The following RABGAP1L variants were observed in gnomAD, a reference collection of about 807,000 sequenced individuals.
The protein encoded by RABGAP1L is RAB GTPase activating protein 1 like.
In RABGAP1L, 63 loss-of-function variants were observed where a neutral mutation model predicts 137.7. The ratio of observed to expected loss-of-function variants is 0.46; its 90% CI spans 0.37 to 0.56. The LOEUF is 0.56. RABGAP1L is among the 20% of genes least tolerant of loss of function. RABGAP1L has a pLI of 0.00. For missense variants in RABGAP1L, 1,095 were observed against 1,244.0 expected (o/e 0.88, Z 1.80); for synonymous variants, 431 against 433.7 (o/e 0.99, Z 0.08).
At chr1:174,468,281 TGTAA>T (rs1192523703) in intron 13 of RABGAP1L, among the ~76,000 whole-genome samples, 2 of 152,158 alleles carry the variant, frequency 1.3e-5, no homozygotes, top group Non-Finnish European at 2.9e-5. Flanking sequence ...TTCTTCCACA[TGTAA>T]GTGATGCCCT....
At chr1:174,673,354 A>C (rs1677329205) in intron 14 of RABGAP1L, among the ~76,000 whole-genome samples, 1 of 152,166 alleles carries the variant, frequency 6.6e-6, no homozygotes, top group Admixed American at 6.5e-5. Flanking sequence ...AAAAAGTTAA[A>C]GGAGAACAAT....
At chr1:174,777,863 AT>A (rs1245244070) in intron 18 of RABGAP1L, among the ~76,000 whole-genome samples, 2 of 152,172 alleles carry the variant, frequency 1.3e-5, no homozygotes, top group Non-Finnish European at 1.5e-5. Flanking sequence ...GAAAAAGCAA[AT>A]TTAAAAAAAG....
chr1:174,186,683 G>T (rs1276075456), intron 1 of RABGAP1L, among the ~76,000 whole-genome samples: 1 of 152,172 alleles, frequency 6.6e-6, no homozygotes, highest in Non-Finnish European at 1.5e-5. Context: ...ACATGTAAAG[G>T]AAAGGGAGAG....
chr1:174,737,628 A>C (rs1432856984), intron 17 of RABGAP1L, among the ~76,000 whole-genome samples: 2 of 145,924 alleles, frequency 1.4e-5, no homozygotes, highest in Non-Finnish European at 3.1e-5. Context: ...GCAACCCCTC[A>C]CTCCTTGGTA....
Position 174,435,702 on chromosome 1 carries a change from C to T in RABGAP1L, c.1710+41557C>T, listed in dbSNP as rs191885690. Among the ~76,000 whole-genome samples the T allele has an allele frequency of 2.2e-4, 33 of 151,864 alleles. No individual in the cohort carries two copies. In the East Asian group the frequency reaches 2.3e-3, roughly 11 times the overall value. Reference sequence around the variant, plus strand: ...TAAGTTTTAGGGTACATGTACACAACGTGCAGGTTTGTTACATATGTATAC... The same window carrying T: ...TAAGTTTTAGGGTACATGTACACAATGTGCAGGTTTGTTACATATGTATAC... On this transcript the variant is annotated intron_variant, in intron 13 of 25. Transcript: ENST00000681986.
chr1:174,616,255 T>A (rs1671848363), intron 13 of RABGAP1L, among the ~76,000 whole-genome samples: 1 of 152,118 alleles, frequency 6.6e-6, no homozygotes, highest in Admixed American at 6.5e-5. Context: ...CTGTGAAATT[T>A]TGGTTTGGAA....
At chr1:174,302,378 G>T (rs1677796106) in intron 10 of RABGAP1L, among the ~76,000 whole-genome samples, 1 of 152,082 alleles carries the variant, frequency 6.6e-6, no homozygotes, top group African/African-American at 2.4e-5. Context: ...TTTTGTGTCT[G>T]GCTTGGGACA....
At chr1:174,400,176 A>C (rs2149099107) in intron 13 of RABGAP1L, among the ~76,000 whole-genome samples, 1 of 152,236 alleles carries the variant, frequency 6.6e-6, no homozygotes, top group Non-Finnish European at 1.5e-5. Flanking sequence ...GATTAAATTT[A>C]TACTTTCTTT....
chr1:174,549,631 A>G (rs532234997), intron 13 of RABGAP1L, among the ~76,000 whole-genome samples: 15 of 152,302 alleles, frequency 9.8e-5, no homozygotes, highest in South Asian at 4.2e-4. Flanking sequence ...TGAAGAAGTA[A>G]AACTATTGAA....
chr1:174,826,318 T>C (rs566611295), intron 19 of RABGAP1L, among the ~76,000 whole-genome samples: 2 of 152,182 alleles, frequency 1.3e-5, no homozygotes, highest in Admixed American at 1.3e-4. Context: ...GCCTCTCGGG[T>C]TCAAGTGATT....
intron 10 of RABGAP1L, among the ~76,000 whole-genome samples, chr1:174,298,821 T>G (rs1358526633): frequency 1.3e-5 from 2 of 152,246 alleles, no homozygotes; most frequent in African/African-American, 4.8e-5. Flanking sequence ...TCCCATCATC[T>G]GGCAGGATTT....
chr1:174,385,535 G>T (rs1387681615), intron 12 of RABGAP1L, among the ~76,000 whole-genome samples: 1 of 152,200 alleles, frequency 6.6e-6, no homozygotes. Context: ...TGAAATGGGC[G>T]AGATTACTTA....
intron 13 of RABGAP1L, among the ~76,000 whole-genome samples, chr1:174,568,249 G>A (rs751315493): frequency 1.3e-5 from 2 of 152,114 alleles, no homozygotes; most frequent in African/African-American, 2.4e-5. Flanking sequence ...GATCACCAAA[G>A]GGATGGTGCT....
At chr1:174,358,582 A>G (rs1683850846) in intron 11 of RABGAP1L, among the ~76,000 whole-genome samples, 2 of 152,160 alleles carry the variant, frequency 1.3e-5, no homozygotes, top group Admixed American at 1.3e-4. Context: ...AGAGTACGTG[A>G]CTGCTTCTTC....
At position 174,327,974 on chromosome 1, in the gene RABGAP1L, TATATAC is replaced by T. The variant is rs1477764096; in HGVS notation, c.1465+22849_1465+22854del. Among the ~76,000 whole-genome samples, 6 of 16,104 alleles carry T rather than the reference TATATAC, an allele frequency of 3.7e-4. 1 individual carries two copies. Among genetic ancestry groups the T allele is most frequent in the African/African-American group, 3.3e-3 (6 of 1,802 alleles). 10.6% of individuals were successfully genotyped at this position (16,104 alleles called of 152,430 possible). A position where few individuals can be genotyped will look rare whatever the true frequency, so the allele number is the denominator to read the frequency against. ...AGTTGTAAATATATATATATATATA[TATATAC>T]ACACACATATATATATATATATATA... is the stretch of plus-strand genomic sequence containing the variant. On this transcript the variant is annotated intron_variant, in intron 11 of 25. Coordinates refer to ENST00000681986, the MANE Select transcript of RABGAP1L (RefSeq NM_001366446.1).
At chr1:174,652,300 G>A (rs1173986579) in intron 14 of RABGAP1L, among the ~76,000 whole-genome samples, 4 of 152,008 alleles carry the variant, frequency 2.6e-5, no homozygotes, top group Non-Finnish European at 5.9e-5. Flanking sequence ...TGGTCATTCT[G>A]ACAATTATGT....
intron 1 of RABGAP1L, among the ~76,000 whole-genome samples, chr1:174,182,044 A>C (rs1666412109): frequency 6.6e-6 from 1 of 152,262 alleles, no homozygotes. Context: ...TAGGTAGTCT[A>C]AGTTCTGATG....
intron 13 of RABGAP1L, among the ~76,000 whole-genome samples, chr1:174,576,611 CA>C (rs1190819086): frequency 2.6e-5 from 4 of 152,150 alleles, no homozygotes; most frequent in Non-Finnish European, 5.9e-5. Flanking sequence ...GCAGTAGTTT[CA>C]GGGGGTCTCC....
chr1:174,357,965 A>G (rs959324011), intron 11 of RABGAP1L, among the ~76,000 whole-genome samples: 2 of 152,222 alleles, frequency 1.3e-5, no homozygotes, highest in Admixed American at 1.3e-4. Context: ...TAAGATAAGT[A>G]CTGTTATCGT....
Sources: gnomAD v4.1 joint callset for allele counts (sites outside exome capture counted in the v4.1 genomes callset) on GRCh38, gnomAD v4.1.1 for gene constraint, MANE v1.5 for transcripts, NCBI Gene and HGNC (gene_info 2026-07-23, HGNC 2026-07-21) for gene names.